The following KCNN2 variants were observed in gnomAD, a reference collection of about 807,000 sequenced individuals.
KCNN2 encodes small conductance calcium-activated potassium channel protein 2.
In KCNN2, 24 loss-of-function variants were observed where a neutral mutation model predicts 55.5. That is an observed-to-expected ratio of 0.43 (90% CI 0.31 to 0.61). The LOEUF (loss-of-function observed/expected upper bound fraction) is 0.61. KCNN2 is among the 20% of genes least tolerant of loss of function. KCNN2 has a pLI of 0.08. For synonymous variants in KCNN2, 431 were observed against 336.1 expected, an observed-to-expected ratio of 1.28 and a Z score of -3.09; for missense variants, 754 against 853.6, an observed-to-expected ratio of 0.88 and a Z score of 1.45.
At chr5:114,414,439 A>G (rs1423771773) in intron 3 of KCNN2, among the ~76,000 whole-genome samples, 2 of 152,154 alleles carry the variant, frequency 1.3e-5, no homozygotes, top group South Asian at 2.1e-4. Flanking sequence ...AGGAGGGACT[A>G]TGTGAACTGT....
chr5:114,142,541 G>T (rs1417652916), intron 1 of KCNN2, among the ~76,000 whole-genome samples: 1 of 152,084 alleles, frequency 6.6e-6, no homozygotes, highest in Non-Finnish European at 1.5e-5. Context: ...CAAAATCAAT[G>T]GGCAAAGATC....
chr5:114,219,207 C>A (rs1252614136), intron 1 of KCNN2, among the ~76,000 whole-genome samples: 1 of 152,184 alleles, frequency 6.6e-6, no homozygotes, highest in African/African-American at 2.4e-5. Context: ...TTTAGCTCTG[C>A]CATCCATGGC....
At chr5:114,385,516 C>CGT (rs1758251001) in intron 2 of KCNN2, among the ~76,000 whole-genome samples, 1 of 82,644 alleles carries the variant, frequency 1.2e-5, no homozygotes, top group African/African-American at 5.0e-5. Flanking sequence ...TACACACATG[C>CGT]GCGCACACAC....
intron 2 of KCNN2, among the ~76,000 whole-genome samples, chr5:114,394,425 G>A (rs890470567): frequency 6.6e-6 from 1 of 152,112 alleles, no homozygotes; most frequent in Non-Finnish European, 1.5e-5. Context: ...CCATGGTTTG[G>A]TCCTTGTCTT....
chr5:114,478,669 T>C (rs1304300730), intron 5 of KCNN2, among the ~76,000 whole-genome samples: 2 of 151,918 alleles, frequency 1.3e-5, no homozygotes, highest in African/African-American at 4.8e-5. Context: ...AGATCACTTA[T>C]GAAATAAAAC....
chr5:114,350,941 T>G (rs1405398523), intron 2 of KCNN2, among the ~76,000 whole-genome samples: 6 of 151,854 alleles, frequency 4.0e-5, no homozygotes. Flanking sequence ...TCTTGGCTAT[T>G]TGCATTTCTA....
intron 2 of KCNN2, among the ~76,000 whole-genome samples, chr5:114,298,616 G>T (rs1304114205): frequency 6.6e-6 from 1 of 152,100 alleles, no homozygotes; most frequent in African/African-American, 2.4e-5. Flanking sequence ...TATTCTATAA[G>T]AAATAATCCT....
At chr5:114,203,356 G>A (rs1375243462) in intron 1 of KCNN2, among the ~76,000 whole-genome samples, 1 of 152,150 alleles carries the variant, frequency 6.6e-6, no homozygotes, top group African/African-American at 2.4e-5. Context: ...ATGTCCTGAT[G>A]TTCCTTGCGG....
chr5:114,221,449 A>G (rs1050056157), intron 1 of KCNN2, among the ~76,000 whole-genome samples: 2 of 152,196 alleles, frequency 1.3e-5, no homozygotes, highest in African/African-American at 4.8e-5. Flanking sequence ...ACAAATTTTG[A>G]ACAAAGACTA....
intron 3 of KCNN2, among the ~76,000 whole-genome samples, chr5:114,430,554 G>T (rs1195573155): frequency 6.6e-6 from 1 of 152,030 alleles, no homozygotes; most frequent in African/African-American, 2.4e-5. Flanking sequence ...GAAAAAGATG[G>T]TTTTATTTCT....
chr5:114,329,769 C>G (rs1756777479), intron 2 of KCNN2, among the ~76,000 whole-genome samples: 2 of 152,164 alleles, frequency 1.3e-5, no homozygotes, highest in Admixed American at 1.3e-4. Context: ...GACTAATACA[C>G]CCAGCTCCCT....
chr5:114,294,195 A>G (rs554010410), intron 2 of KCNN2, among the ~76,000 whole-genome samples: 1 of 151,786 alleles, frequency 6.6e-6, no homozygotes, highest in East Asian at 1.9e-4. Flanking sequence ...TATTTCCTTC[A>G]GTTCTGCTCC....
At chr5:114,078,472 G>A (rs1750729823) in intron 1 of KCNN2, among the ~76,000 whole-genome samples, 1 of 152,126 alleles carries the variant, frequency 6.6e-6, no homozygotes, top group Non-Finnish European at 1.5e-5. Context: ...TATCAGAAGG[G>A]AAGGTACCAT....
chr5:114,282,616 G>A (rs1290901847), intron 2 of KCNN2, among the ~76,000 whole-genome samples: 1 of 152,060 alleles, frequency 6.6e-6, no homozygotes, highest in Non-Finnish European at 1.5e-5. Context: ...CATGATTGAG[G>A]CTGGCCTACA....
At chr5:114,277,668 C>T (rs1226059206) in intron 2 of KCNN2, among the ~76,000 whole-genome samples, 3 of 152,286 alleles carry the variant, frequency 2.0e-5, no homozygotes, top group African/African-American at 7.2e-5. Context: ...AGTTCTCGTA[C>T]TGTGGTTTTC....
chr5:114,074,797 A>G (rs1294484721), intron 1 of KCNN2, among the ~76,000 whole-genome samples: 3 of 152,132 alleles, frequency 2.0e-5, no homozygotes, highest in Admixed American at 1.3e-4. Context: ...CAATTTAACA[A>G]TAGAAAGAAG....
chr5:114,098,924 G>T (rs1200166943), intron 1 of KCNN2, among the ~76,000 whole-genome samples: 2 of 151,998 alleles, frequency 1.3e-5, no homozygotes, highest in African/African-American at 4.8e-5. Flanking sequence ...GTCAGACTGG[G>T]AACCAAGTAC....
Position 114,379,602 on chromosome 5 carries a change from A to G in KCNN2, c.1218+15601A>G, listed in dbSNP as rs1197863085. On this transcript the variant is annotated intron_variant, in intron 2 of 7. Transcript: ENST00000673685. The stretch of plus-strand genomic sequence containing the variant: ...GAATATATTATATAACATATTATAT[A>G]TTTTAGAATATATTATATAACATAT... Among the ~76,000 whole-genome samples the G allele has an allele frequency of 2.3e-5, 2 of 85,268 alleles. 1 individual carries two copies. The highest frequency in any genetic ancestry group is 1.5e-4 in the African/African-American group (2 of 12,904). 55.9% of individuals were successfully genotyped at this position (85,268 alleles called of 152,430 possible). A position where few individuals can be genotyped will look rare whatever the true frequency, so the allele number is the denominator to read the frequency against.
chr5:114,325,947 G>A (rs940349096), intron 2 of KCNN2, among the ~76,000 whole-genome samples: 2 of 152,134 alleles, frequency 1.3e-5, no homozygotes, highest in East Asian at 1.9e-4. Context: ...GTGGGGTCTG[G>A]GCCTGTGGTC....
Sources: allele counts gnomAD v4.1 joint callset (sites outside exome capture counted in the v4.1 genomes callset), GRCh38; gene constraint gnomAD v4.1.1; transcripts MANE v1.5; gene names NCBI Gene and HGNC (gene_info 2026-07-23, HGNC 2026-07-21).